The following ARB2A variants were observed in gnomAD, a reference collection of about 807,000 sequenced individuals.
ARB2A encodes ARB2 cotranscriptional regulator A, also known as cotranscriptional regulator ARB2A.
the ARB2A span, among the ~76,000 whole-genome samples, chr5:93,780,391 TCATTTACCTTTTACCTCTCTCTC>T: frequency 6.6e-6 from 1 of 152,184 alleles, no homozygotes; most frequent in African/African-American, 2.4e-5. Flanking sequence ...GGAGCTGCCT[TCATTTACCTTTTACCTCTCTCTC>T]CTCAAGAGGC....
the ARB2A span, among the ~76,000 whole-genome samples, chr5:94,101,665 T>C: frequency 2.0e-5 from 3 of 152,188 alleles, no homozygotes; most frequent in Non-Finnish European, 2.9e-5. Context: ...AAGGCTATCA[T>C]CCTTAGCAAA....
chr5:93,690,789 C>T, the ARB2A span, among the ~76,000 whole-genome samples: 13 of 152,274 alleles, frequency 8.5e-5, no homozygotes, highest in Admixed American at 7.8e-4. Context: ...TGATAGACAC[C>T]TCATACAGGA....
the ARB2A span, among the ~76,000 whole-genome samples, chr5:94,035,490 C>T: frequency 6.6e-6 from 1 of 152,014 alleles, no homozygotes; most frequent in African/African-American, 2.4e-5. Flanking sequence ...GTTTCAAAAT[C>T]ATTGCACCAC....
At chr5:94,059,359 A>T in the ARB2A span, among the ~76,000 whole-genome samples, 1 of 152,084 alleles carries the variant, frequency 6.6e-6, no homozygotes, top group Non-Finnish European at 1.5e-5. Context: ...GTGGTTGCTC[A>T]TACCTGTAAT....
At chr5:93,945,483 G>A in the ARB2A span, among the ~76,000 whole-genome samples, 9 of 150,924 alleles carry the variant, frequency 6.0e-5, no homozygotes, top group Non-Finnish European at 1.3e-4. Context: ...GCGTAGAAGA[G>A]AGACACAAAG....
chr5:93,773,026 T>TA, the ARB2A span, among the ~76,000 whole-genome samples: 2 of 152,242 alleles, frequency 1.3e-5, no homozygotes, highest in African/African-American at 4.8e-5. Flanking sequence ...GACTTTTCTC[T>TA]AAATCAGCAT....
chr5:93,810,690 G>A, the ARB2A span, among the ~76,000 whole-genome samples: 1 of 152,078 alleles, frequency 6.6e-6, no homozygotes, highest in African/African-American at 2.4e-5. Flanking sequence ...TTAAAGGCAT[G>A]AGCCACTGTA....
At chr5:94,094,630 T>C in the ARB2A span, among the ~76,000 whole-genome samples, 3 of 152,196 alleles carry the variant, frequency 2.0e-5, no homozygotes, top group Non-Finnish European at 4.4e-5. Flanking sequence ...ATGTGGTATG[T>C]TTATCCCTGC....
the ARB2A span, among the ~76,000 whole-genome samples, chr5:93,625,802 A>G: frequency 6.6e-6 from 1 of 152,252 alleles, no homozygotes; most frequent in South Asian, 2.1e-4. Flanking sequence ...GAGGGAGGCT[A>G]CATTCATGTA....
chr5:93,835,998 C>T, the ARB2A span, among the ~76,000 whole-genome samples: 1 of 152,154 alleles, frequency 6.6e-6, no homozygotes, highest in Non-Finnish European at 1.5e-5. Flanking sequence ...ATCTTGTACT[C>T]AACCAATCCA....
chr5:93,869,853 A>C, the ARB2A span, among the ~76,000 whole-genome samples: 2 of 152,192 alleles, frequency 1.3e-5, no homozygotes, highest in South Asian at 4.1e-4. Flanking sequence ...TGCCTATCCC[A>C]AAACCTGTAA....
the ARB2A span, among the ~76,000 whole-genome samples, chr5:93,836,054 G>C: frequency 1.3e-5 from 2 of 152,080 alleles, no homozygotes; most frequent in Non-Finnish European, 2.9e-5. Flanking sequence ...TTTTGACGGA[G>C]TCTCGCTCTG....
the ARB2A span, among the ~76,000 whole-genome samples, chr5:93,625,823 G>GA: frequency 5.3e-5 from 8 of 152,276 alleles, no homozygotes; most frequent in African/African-American, 1.9e-4. Flanking sequence ...ATAGCATTTA[G>GA]AAAAAATGGT....
the ARB2A span, among the ~76,000 whole-genome samples, chr5:93,782,927 G>T: frequency 1.3e-5 from 2 of 152,080 alleles, no homozygotes; most frequent in African/African-American, 2.4e-5. Context: ...TTTTACAAAA[G>T]CTATGCTTGC....
the ARB2A span, among the ~76,000 whole-genome samples, chr5:93,873,188 A>G: frequency 2.6e-5 from 4 of 151,682 alleles, no homozygotes; most frequent in African/African-American, 7.3e-5. Flanking sequence ...GCTACTTGGA[A>G]GGCTGAGGCA....
the ARB2A span, among the ~76,000 whole-genome samples, chr5:94,015,502 A>G: frequency 6.6e-6 from 1 of 152,204 alleles, no homozygotes. Flanking sequence ...ACAAACCCAG[A>G]ATACTCTAAT....
At chr5:93,834,992 TCGATGATTTTAG>T in the ARB2A span, among the ~76,000 whole-genome samples, 1 of 152,218 alleles carries the variant, frequency 6.6e-6, no homozygotes, top group Non-Finnish European at 1.5e-5. Context: ...TGATTTAAAC[TCGATGATTTTAG>T]AATATGCTAA....
chr5:94,087,870 A>G, the ARB2A span, among the ~76,000 whole-genome samples: 2 of 152,204 alleles, frequency 1.3e-5, no homozygotes, highest in African/African-American at 4.8e-5. Flanking sequence ...AATATATACC[A>G]TATGTAGCCC....
the ARB2A span, among the ~76,000 whole-genome samples, chr5:93,869,352 A>C: frequency 6.6e-6 from 1 of 152,208 alleles, no homozygotes; most frequent in African/African-American, 2.4e-5. Flanking sequence ...TGTATTTTAC[A>C]GTTACTGTCC....
Sources: allele counts gnomAD v4.1 joint callset (sites outside exome capture counted in the v4.1 genomes callset), GRCh38; gene constraint gnomAD v4.1.1; transcripts MANE v1.5; gene names NCBI Gene and HGNC (gene_info 2026-07-23, HGNC 2026-07-21).